Variants in NUBPL observed in about 807,000 individuals in gnomAD.
NUBPL encodes iron-sulfur cluster transfer protein NUBPL.
Under a neutral mutation model 45.7 loss-of-function variants are expected in NUBPL, and 31 were observed. That is an observed-to-expected ratio of 0.68 (90% CI 0.51 to 0.92). The LOEUF is 0.92. NUBPL is among the 40% of genes least tolerant of loss of function. NUBPL has a pLI of 0.00. For synonymous variants in NUBPL, 144 were observed against 140.9 expected (o/e 1.02, Z -0.15); for missense variants, 401 against 398.7 (o/e 1.01, Z -0.05).
chr14:31,645,285 C>T (rs1003105533), intron 4 of NUBPL, among the ~76,000 whole-genome samples: 4 of 151,990 alleles, frequency 2.6e-5, no homozygotes, highest in African/African-American at 9.7e-5. Flanking sequence ...CCAGGATGGT[C>T]TCGATCTCCT....
intron 2 of NUBPL, among the ~76,000 whole-genome samples, chr14:31,564,736 C>T (rs996708830): frequency 1.4e-4 from 22 of 152,004 alleles, no homozygotes; most frequent in Admixed American, 2.6e-4. Context: ...AAAATTGTAA[C>T]AGAAATGGAT....
chr14:31,651,694 C>G (rs12883742), intron 4 of NUBPL, among the ~76,000 whole-genome samples: 1 of 151,894 alleles, frequency 6.6e-6, no homozygotes, highest in Non-Finnish European at 1.5e-5. Flanking sequence ...GTCAGGAGAT[C>G]GAGACAATCC....
intron 8 of NUBPL, among the ~76,000 whole-genome samples, chr14:31,829,101 C>T (rs935424036): frequency 2.6e-5 from 4 of 152,262 alleles, no homozygotes; most frequent in Non-Finnish European, 5.9e-5. Flanking sequence ...CAAGTTAGAG[C>T]AGTTCTGGGT....
chr14:31,766,187 A>G (rs2038908741), intron 6 of NUBPL, among the ~76,000 whole-genome samples: 1 of 152,240 alleles, frequency 6.6e-6, no homozygotes. Context: ...ACAAAATCAT[A>G]GGGATTTACC....
At chr14:31,622,988 C>T (rs2035106483) in intron 4 of NUBPL, among the ~76,000 whole-genome samples, 1 of 152,222 alleles carries the variant, frequency 6.6e-6, no homozygotes, top group Admixed American at 6.5e-5. Flanking sequence ...CGTAGTCACT[C>T]AATGTCAGTT....
intron 6 of NUBPL, among the ~76,000 whole-genome samples, chr14:31,687,794 TGAA>T (rs1371887330): frequency 3.3e-5 from 5 of 152,328 alleles, no homozygotes; most frequent in Admixed American, 1.3e-4. Context: ...TGGAAGTCTC[TGAA>T]GAAGTAGAGG....
At chr14:31,616,912 A>AT (rs563790502) in intron 4 of NUBPL, among the ~76,000 whole-genome samples, 78 of 151,486 alleles carry the variant, frequency 5.1e-4, no homozygotes, top group Admixed American at 2.0e-3. Flanking sequence ...TGAGCATGGA[A>AT]TTTTTTTTTC....
chr14:31,689,752 T>C (rs1471793131), intron 6 of NUBPL, among the ~76,000 whole-genome samples: 1 of 152,196 alleles, frequency 6.6e-6, no homozygotes, highest in Non-Finnish European at 1.5e-5. Flanking sequence ...ATGTCCAGGA[T>C]GGTATTGCCT....
At chr14:31,828,189 A>C (rs1048344681) in intron 8 of NUBPL, among the ~76,000 whole-genome samples, 1 of 152,194 alleles carries the variant, frequency 6.6e-6, no homozygotes, top group Non-Finnish European at 1.5e-5. Context: ...TGCCTGCCTC[A>C]CACCGAAAAC....
intron 6 of NUBPL, among the ~76,000 whole-genome samples, chr14:31,722,978 T>C (rs2037845321): frequency 6.6e-6 from 1 of 152,224 alleles, no homozygotes. Flanking sequence ...TTGCTTTTGT[T>C]GCAATTGCTG....
intron 7 of NUBPL, among the ~76,000 whole-genome samples, chr14:31,814,733 C>T (rs1051732902): frequency 6.6e-5 from 10 of 152,098 alleles, no homozygotes; most frequent in African/African-American, 2.4e-4. Context: ...AGGTAGGGGT[C>T]CAGTTTCAGT....
rs114479528 is a variant in NUBPL, at chr14:31,578,524, G to A, written c.291+13476G>A. 5.2e-3 allele frequency among the ~76,000 whole-genome samples: 793 copies of A among 152,292 alleles called. 10 individuals carry two copies. Among genetic ancestry groups the A allele is most frequent in the African/African-American group, 0.018 (744 of 41,568 alleles). On this transcript the variant is annotated intron_variant, in intron 3 of 10. Transcript: ENST00000281081. ...ACTGTGCAGAAATGGGTCAATGAGC[G>A]TTCAGATGAAAGGGAAAACACTTTT...
chr14:31,753,799 C>T (rs2038587014), intron 6 of NUBPL, among the ~76,000 whole-genome samples: 1 of 152,158 alleles, frequency 6.6e-6, no homozygotes, highest in African/African-American at 2.4e-5. Context: ...GTTTTTGTCA[C>T]TTCCTTGCTG....
chr14:31,650,572 A>G (rs1299297867), intron 4 of NUBPL, among the ~76,000 whole-genome samples: 1 of 152,224 alleles, frequency 6.6e-6, no homozygotes, highest in Admixed American at 6.5e-5. Context: ...TACAGGCGTT[A>G]GTCACCGCAC....
intron 6 of NUBPL, among the ~76,000 whole-genome samples, chr14:31,780,010 T>G (rs2039162948): frequency 6.6e-6 from 1 of 152,104 alleles, no homozygotes; most frequent in East Asian, 1.9e-4. Context: ...AGTCCAAACC[T>G]TAGTAATATA....
chr14:31,767,707 G>T (rs1566551185), intron 6 of NUBPL, among the ~76,000 whole-genome samples: 3 of 150,930 alleles, frequency 2.0e-5, no homozygotes, highest in African/African-American at 2.4e-5. Flanking sequence ...TTTGTTTTGT[G>T]TTTTTTTTTG....
intron 4 of NUBPL, among the ~76,000 whole-genome samples, chr14:31,664,021 T>A (rs1417495783): frequency 6.6e-6 from 1 of 152,238 alleles, no homozygotes; most frequent in Non-Finnish European, 1.5e-5. Context: ...AGTTCACTCA[T>A]GATTTGGCTC....
At chr14:31,829,980 C>G (rs2040164265) in intron 8 of NUBPL, among the ~76,000 whole-genome samples, 1 of 151,970 alleles carries the variant, frequency 6.6e-6, no homozygotes, top group Admixed American at 6.6e-5. Flanking sequence ...TTGTGTCATT[C>G]TCACTCATTT....
chr14:31,847,971 T>C (rs2138997320), intron 9 of NUBPL, among the ~76,000 whole-genome samples: 1 of 152,350 alleles, frequency 6.6e-6, no homozygotes, highest in East Asian at 1.9e-4. Flanking sequence ...TATAATGGCA[T>C]TATTGAATTA....
Sources: allele counts gnomAD v4.1 joint callset (sites outside exome capture counted in the v4.1 genomes callset), GRCh38; gene constraint gnomAD v4.1.1; transcripts MANE v1.5; gene names NCBI Gene and HGNC (gene_info 2026-07-23, HGNC 2026-07-21).